CNTN5: variants seen among roughly 807,000 people sequenced by gnomAD.
The protein encoded by CNTN5 is contactin-5.
In CNTN5, 77 loss-of-function variants were observed where a neutral mutation model predicts 129.1. That is an observed-to-expected ratio of 0.60 (90% CI 0.50 to 0.72). CNTN5 has a LOEUF of 0.72. Ranked by LOEUF, CNTN5 falls within the 30% of genes least tolerant of loss-of-function variation. The pLI, the probability that CNTN5 is intolerant of heterozygous loss-of-function variation, is 0.00. For missense variants in CNTN5, 1,478 were observed against 1,328.8 expected, an observed-to-expected ratio of 1.11 and a Z score of -1.75; for synonymous variants, 509 against 465.6, an observed-to-expected ratio of 1.09 and a Z score of -1.20.
intron 3 of CNTN5, among the ~76,000 whole-genome samples, chr11:99,758,633 A>G (rs1591110367): frequency 6.6e-6 from 1 of 152,186 alleles, no homozygotes; most frequent in East Asian, 1.9e-4. Flanking sequence ...AACACAGAAA[A>G]GAATACTTAG....
intron 1 of CNTN5, among the ~76,000 whole-genome samples, chr11:99,124,738 A>C (rs920089163): frequency 6.6e-6 from 1 of 151,986 alleles, no homozygotes; most frequent in South Asian, 2.1e-4. Context: ...GGGAAAAAAA[A>C]GAGGCATGTT....
intron 3 of CNTN5, among the ~76,000 whole-genome samples, chr11:99,734,493 C>T (rs959672043): frequency 2.6e-5 from 4 of 152,104 alleles, no homozygotes; most frequent in Admixed American, 6.5e-5. Context: ...GAAGCTGAGT[C>T]ATTTGTCATA....
chr11:99,543,555 T>C (rs1282933283), intron 2 of CNTN5, among the ~76,000 whole-genome samples: 1 of 152,198 alleles, frequency 6.6e-6, no homozygotes, highest in Non-Finnish European at 1.5e-5. Flanking sequence ...TCAATCACAA[T>C]GGTCTAAAAA....
At chr11:99,123,872 T>C (rs535436238) in intron 1 of CNTN5, among the ~76,000 whole-genome samples, 1 of 152,272 alleles carries the variant, frequency 6.6e-6, no homozygotes, top group Admixed American at 6.5e-5. Context: ...TGTAGCATTA[T>C]TTCTGGACTC....
intron 21 of CNTN5, among the ~76,000 whole-genome samples, chr11:100,325,728 T>C (rs1168628944): frequency 6.6e-6 from 1 of 152,222 alleles, no homozygotes; most frequent in African/African-American, 2.4e-5. Context: ...CTGCACAGCA[T>C]AGACTACTGG....
chr11:99,483,473 A>G (rs1384804544), intron 2 of CNTN5, among the ~76,000 whole-genome samples: 3 of 152,006 alleles, frequency 2.0e-5, no homozygotes. Context: ...AAACTCCACG[A>G]TTTTGTCTCT....
In CNTN5 at chr11:100,029,498, G is replaced by A. The variant is rs7123168; in HGVS notation, c.980+27362G>A. On this transcript the variant is annotated intron_variant, in intron 9 of 24. Coordinates refer to ENST00000524871, the MANE Select transcript of CNTN5 (RefSeq NM_014361.4). ...CTCGGGAGGCTGAGGCAGGAGAATGGCGTGAACCCAGGAGGTGGAGCTTGC... is the reference window on the plus strand; with the variant it reads ...CTCGGGAGGCTGAGGCAGGAGAATGACGTGAACCCAGGAGGTGGAGCTTGC... Among the ~76,000 whole-genome samples the A allele has an allele frequency of 3.4e-3, 511 of 152,204 alleles. 4 individuals carry two copies. Among genetic ancestry groups the A allele is most frequent in the African/African-American group, 0.012 (495 of 41,538 alleles).
At chr11:99,664,532 A>G (rs1481892040) in intron 3 of CNTN5, among the ~76,000 whole-genome samples, 1 of 152,168 alleles carries the variant, frequency 6.6e-6, no homozygotes, top group Non-Finnish European at 1.5e-5. Flanking sequence ...GAAATACAGG[A>G]TATCAATGGC....
At chr11:99,853,896 A>C (rs1286974871) in intron 6 of CNTN5, among the ~76,000 whole-genome samples, 3 of 152,186 alleles carry the variant, frequency 2.0e-5, no homozygotes, top group African/African-American at 7.2e-5. Flanking sequence ...GCTAGTAAGT[A>C]ATAAAACAGT....
At chr11:100,037,674 A>G (rs1942099302) in intron 9 of CNTN5, among the ~76,000 whole-genome samples, 2 of 152,018 alleles carry the variant, frequency 1.3e-5, no homozygotes, top group African/African-American at 2.4e-5. Context: ...CAGAGATTCA[A>G]CTTCTTCCTG....
intron 16 of CNTN5, among the ~76,000 whole-genome samples, chr11:100,239,541 C>T (rs1230431155): frequency 6.6e-6 from 1 of 152,012 alleles, no homozygotes; most frequent in Non-Finnish European, 1.5e-5. Flanking sequence ...TAGGACTTTG[C>T]CATACCTTCA....
At chr11:99,703,227 G>A (rs867338347) in intron 3 of CNTN5, among the ~76,000 whole-genome samples, 1 of 121,730 alleles carries the variant, frequency 8.2e-6, no homozygotes, top group Non-Finnish European at 1.7e-5. Context: ...GGTATTTGGG[G>A]TTTTTTTTTT....
At position 99,032,361 on chromosome 11, in the gene CNTN5, G is replaced by A. The variant is rs1352091083; in HGVS notation, c.-210+11091G>A. 8.3e-3 allele frequency among the ~76,000 whole-genome samples: 1,255 copies of A among 150,792 alleles called. 17 individuals carry two copies. The highest frequency in any genetic ancestry group is 0.029 in the African/African-American group (1,189 of 40,960). ...CGCCACACTGACTTCCACAATGGTT[G>A]AACTAGTTTACAGTCCCACCAACAG... On this transcript the variant is annotated intron_variant, in intron 1 of 24. Transcript: ENST00000524871.
chr11:99,139,167 T>C (rs915055228), intron 1 of CNTN5, among the ~76,000 whole-genome samples: 1 of 139,178 alleles, frequency 7.2e-6, no homozygotes, highest in Non-Finnish European at 1.5e-5. Context: ...CTCAGGAGGC[T>C]GAGGTGGGAG....
chr11:99,977,777 G>A (rs1236005267), intron 8 of CNTN5, among the ~76,000 whole-genome samples: 1 of 152,180 alleles, frequency 6.6e-6, no homozygotes. Context: ...ATAAGATTTA[G>A]GTGGGGGCAC....
chr11:99,553,024 C>A (rs1158646106), intron 2 of CNTN5, among the ~76,000 whole-genome samples: 1 of 152,122 alleles, frequency 6.6e-6, no homozygotes, highest in Non-Finnish European at 1.5e-5. Flanking sequence ...TCTTTGTAAT[C>A]TATGACTGAA....
chr11:99,256,606 A>G (rs1862388053), intron 1 of CNTN5, among the ~76,000 whole-genome samples: 1 of 151,998 alleles, frequency 6.6e-6, no homozygotes, highest in African/African-American at 2.4e-5. Context: ...AGATATATTT[A>G]TTACCAATGG....
At chr11:99,952,591 G>A (rs1304681544) in intron 7 of CNTN5, among the ~76,000 whole-genome samples, 1 of 152,036 alleles carries the variant, frequency 6.6e-6, no homozygotes, top group Non-Finnish European at 1.5e-5. Context: ...GAGCGCAGTG[G>A]CACAGTCACA....
At chr11:99,109,240 C>T (rs1045328487) in intron 1 of CNTN5, among the ~76,000 whole-genome samples, 2 of 151,490 alleles carry the variant, frequency 1.3e-5, no homozygotes, top group African/African-American at 4.8e-5. Context: ...ATATTTTATA[C>T]TCCTAGAGAC....
Sources: allele counts gnomAD v4.1 joint callset (sites outside exome capture counted in the v4.1 genomes callset), GRCh38; gene constraint gnomAD v4.1.1; transcripts MANE v1.5; gene names NCBI Gene and HGNC (gene_info 2026-07-23, HGNC 2026-07-21).